PDE1A: variants seen among roughly 807,000 people sequenced by gnomAD.
PDE1A encodes the protein phosphodiesterase 1A.
Under a neutral mutation model 61.7 loss-of-function variants are expected in PDE1A, and 35 were observed. The observed-to-expected ratio is 0.57, with a 90% CI of 0.43 to 0.75. PDE1A has a LOEUF of 0.75. Among genes scored for constraint, PDE1A ranks in the 30% least tolerant of loss-of-function variants. The pLI, the probability that PDE1A is intolerant of heterozygous loss-of-function variation, is 0.00. For missense variants in PDE1A, 597 were observed against 630.6 expected, an observed-to-expected ratio of 0.95 and a Z score of 0.57; for synonymous variants, 232 against 213.2, an observed-to-expected ratio of 1.09 and a Z score of -0.77.
At chr2:182,402,000 A>T (rs1227307370) in intron 1 of PDE1A, among the ~76,000 whole-genome samples, 1 of 152,170 alleles carries the variant, frequency 6.6e-6, no homozygotes, top group African/African-American at 2.4e-5. Context: ...AGAGCTACAA[A>T]CCACCGTTCA....
At chr2:182,160,092 C>T (rs1691297888) in intron 13 of PDE1A, among the ~76,000 whole-genome samples, 1 of 152,042 alleles carries the variant, frequency 6.6e-6, no homozygotes, top group Admixed American at 6.6e-5. Flanking sequence ...AACTGAAACA[C>T]AAAAAAGATT....
At chr2:182,674,159 G>C in the PDE1A span, among the ~76,000 whole-genome samples, 3 of 151,922 alleles carry the variant, frequency 2.0e-5, no homozygotes, top group African/African-American at 7.3e-5. Flanking sequence ...GCCAGGAACT[G>C]AACTTAAATC....
intron 1 of PDE1A, among the ~76,000 whole-genome samples, chr2:182,371,544 C>T (rs778407265): frequency 5.9e-5 from 9 of 152,152 alleles, no homozygotes; most frequent in Admixed American, 6.5e-5. Context: ...GAAGAATTGA[C>T]ACATTTACAA....
chr2:182,608,701 C>T, the PDE1A span, among the ~76,000 whole-genome samples: 1 of 152,326 alleles, frequency 6.6e-6, no homozygotes, highest in East Asian at 1.9e-4. Context: ...GACTCCTGCG[C>T]CTCCGGAGCC....
chr2:182,640,344 A>G, the PDE1A span, among the ~76,000 whole-genome samples: 1 of 152,246 alleles, frequency 6.6e-6, no homozygotes, highest in Admixed American at 6.5e-5. Flanking sequence ...TGGGGATAAC[A>G]GTGAACAATC....
chr2:182,223,529 A>T (rs1276408999), intron 7 of PDE1A, among the ~76,000 whole-genome samples: 2 of 152,050 alleles, frequency 1.3e-5, no homozygotes, highest in Non-Finnish European at 2.9e-5. Flanking sequence ...ACACCAAACC[A>T]GTACCTTAAG....
chr2:182,234,572 G>T, intron 3 of PDE1A, 74 bp from the exon 4 acceptor site: 1 of 957,428 alleles, frequency 1.0e-6, no homozygotes, highest in Non-Finnish European at 1.6e-6. Context: ...TAAATATCAG[G>T]GAAAAGATTA....
chr2:182,547,694 G>A, the PDE1A span, among the ~76,000 whole-genome samples: 1 of 152,144 alleles, frequency 6.6e-6, no homozygotes, highest in Admixed American at 6.5e-5. Flanking sequence ...TGATGCCTTT[G>A]TAATGTAATT....
chr2:182,576,273 A>T, the PDE1A span, among the ~76,000 whole-genome samples: 1 of 152,070 alleles, frequency 6.6e-6, no homozygotes, highest in South Asian at 2.1e-4. Context: ...CGTCTCTATG[A>T]ATTTGACTAC....
chr2:182,350,795 T>G (rs1386435615), intron 1 of PDE1A, among the ~76,000 whole-genome samples: 1 of 151,526 alleles, frequency 6.6e-6, no homozygotes, highest in Non-Finnish European at 1.5e-5. Context: ...CAAGGTAGAG[T>G]CCCCCAGGAC....
At chr2:182,245,388 TTC>T (rs1004709135) in intron 2 of PDE1A, among the ~76,000 whole-genome samples, 39 of 152,322 alleles carry the variant, frequency 2.6e-4, no homozygotes, top group African/African-American at 8.4e-4. Flanking sequence ...GACTCACACT[TTC>T]TGTTGTACAT....
intron 2 of PDE1A, among the ~76,000 whole-genome samples, chr2:182,247,656 T>C (rs980157705): frequency 1.3e-5 from 2 of 152,232 alleles, no homozygotes; most frequent in Non-Finnish European, 2.9e-5. Flanking sequence ...GAACAAAAAC[T>C]ATAATGTAAT....
chr2:182,306,638 A>T (rs1695605795), intron 1 of PDE1A, among the ~76,000 whole-genome samples: 1 of 152,204 alleles, frequency 6.6e-6, no homozygotes, highest in African/African-American at 2.4e-5. Flanking sequence ...ATGGAATAGA[A>T]GAAAGAACCA....
chr2:182,532,758 A>ACAGGACGGTGAGACCCC, the PDE1A span, among the ~76,000 whole-genome samples: 1 of 150,160 alleles, frequency 6.7e-6, no homozygotes, highest in South Asian at 2.1e-4. Context: ...CAGGAGATCG[A>ACAGGACGGTGAGACCCC]CAGGACGGTG....
At chr2:182,280,727 G>T (rs1399981141) in intron 1 of PDE1A, among the ~76,000 whole-genome samples, 1 of 151,466 alleles carries the variant, frequency 6.6e-6, no homozygotes. Context: ...CTTTGATTTT[G>T]TGGGTTTATA....
chr2:182,429,558 C>T (rs569548438), upstream of PDE1A, among the ~76,000 whole-genome samples: 11 of 152,098 alleles, frequency 7.2e-5, no homozygotes, highest in African/African-American at 2.2e-4. Context: ...ATACCCTACC[C>T]GACTCAGTGC....
chr2:182,525,820 T>C (rs1180578486), upstream of PDE1A, among the ~76,000 whole-genome samples: 1 of 152,070 alleles, frequency 6.6e-6, no homozygotes, highest in African/African-American at 2.4e-5. Context: ...CATCACTCAA[T>C]GACAAAGATA....
At chr2:182,530,900 T>C in the PDE1A span, among the ~76,000 whole-genome samples, 3 of 66,444 alleles carry the variant, frequency 4.5e-5, no homozygotes, top group African/African-American at 9.1e-5. Context: ...TTGAGTTTTA[T>C]AAATTGTTTA....
At chr2:182,709,230 A>G in the PDE1A span, among the ~76,000 whole-genome samples, 1 of 152,154 alleles carries the variant, frequency 6.6e-6, no homozygotes, top group African/African-American at 2.4e-5. Context: ...TAAGCACTTC[A>G]GCCCCAAATT....
Sources: gnomAD v4.1 joint callset for allele counts (sites outside exome capture counted in the v4.1 genomes callset) on GRCh38, gnomAD v4.1.1 for gene constraint, MANE v1.5 for transcripts, NCBI Gene and HGNC (gene_info 2026-07-23, HGNC 2026-07-21) for gene names.